The following SLC25A13 variants were observed in gnomAD, a reference collection of about 807,000 sequenced individuals.
The protein encoded by SLC25A13 is electrogenic aspartate/glutamate antiporter SLC25A13, mitochondrial.
SLC25A13 carries 70 observed loss-of-function variants against 85.5 expected under a neutral mutation model. That is an observed-to-expected ratio of 0.82 (90% CI 0.68 to 1.00). SLC25A13 has a LOEUF of 1.00. Among genes scored for constraint, SLC25A13 ranks in the 50% least tolerant of loss-of-function variants. The pLI, the probability that SLC25A13 is intolerant of heterozygous loss-of-function variation, is 0.00. For missense variants in SLC25A13, 765 were observed against 819.8 expected (o/e 0.93, Z 0.82); for synonymous variants, 259 against 288.7 (o/e 0.90, Z 1.04).
chr7:96,227,742 C>A (rs1796375152), intron 4 of SLC25A13, among the ~76,000 whole-genome samples: 2 of 152,218 alleles, frequency 1.3e-5, no homozygotes, highest in Middle Eastern at 3.4e-3. Flanking sequence ...TTGACCTTTA[C>A]CTTTAGTACC....
chr7:96,283,819 TAA>T (rs1224658803), intron 2 of SLC25A13: 16 of 80,916 alleles, frequency 2.0e-4, no homozygotes, highest in South Asian at 1.9e-3. Context: ...AATAGGTGTT[TAA>T]AAAAAAAAAA....
At chr7:96,202,172 C>T (rs1795281459) in intron 5 of SLC25A13, among the ~76,000 whole-genome samples, 1 of 152,152 alleles carries the variant, frequency 6.6e-6, no homozygotes, top group Admixed American at 6.5e-5. Flanking sequence ...GCTTTGGCAT[C>T]CAACCAGGTT....
intron 3 of SLC25A13, among the ~76,000 whole-genome samples, chr7:96,246,032 C>T (rs1051427887): frequency 2.0e-5 from 3 of 152,244 alleles, no homozygotes; most frequent in Non-Finnish European, 4.4e-5. Flanking sequence ...TCAGCGTATA[C>T]TGGCCTACAC....
At chr7:96,139,238 T>G (rs995714941) in intron 14 of SLC25A13, among the ~76,000 whole-genome samples, 3 of 152,194 alleles carry the variant, frequency 2.0e-5, no homozygotes, top group African/African-American at 7.2e-5. Context: ...AAGAAAAATT[T>G]TTTTTTCAAA....
At chr7:96,140,122 C>A (rs902149542) in intron 14 of SLC25A13, among the ~76,000 whole-genome samples, 6 of 150,268 alleles carry the variant, frequency 4.0e-5, no homozygotes, top group Admixed American at 3.3e-4. Context: ...CTACGCCCGG[C>A]TAATTTTTTG....
intron 5 of SLC25A13, among the ~76,000 whole-genome samples, chr7:96,203,727 A>C (rs962103883): frequency 6.6e-6 from 1 of 152,232 alleles, no homozygotes; most frequent in Non-Finnish European, 1.5e-5. Context: ...AAGTAATTAC[A>C]TGTAAAATAG....
intron 1 of SLC25A13, among the ~76,000 whole-genome samples, chr7:96,301,448 A>G (rs1379884671): frequency 6.6e-6 from 1 of 152,208 alleles, no homozygotes; most frequent in East Asian, 1.9e-4. Context: ...AAAATTTTAT[A>G]TCAAGAATTT....
chr7:96,305,277 A>G (rs1799703240), intron 1 of SLC25A13, among the ~76,000 whole-genome samples: 1 of 152,196 alleles, frequency 6.6e-6, no homozygotes, highest in Admixed American at 6.6e-5. Context: ...TAGCAAGCAA[A>G]AAGGGGGACT....
At chr7:96,261,141 C>T (rs754882177) in intron 3 of SLC25A13, among the ~76,000 whole-genome samples, 1 of 152,078 alleles carries the variant, frequency 6.6e-6, no homozygotes, top group Non-Finnish European at 1.5e-5. Flanking sequence ...TCTCCCATGG[C>T]TTACTCCTTC....
At chr7:96,247,956 G>A (rs1236342500) in intron 3 of SLC25A13, among the ~76,000 whole-genome samples, 1 of 147,296 alleles carries the variant, frequency 6.8e-6, no homozygotes, top group Admixed American at 6.8e-5. Context: ...AGTAGCAGCT[G>A]GGAAAAAAAA....
intron 12 of SLC25A13, 140 bp from the exon 13 acceptor site, chr7:96,170,265 C>G (rs1478909144): frequency 1.3e-6 from 1 of 762,068 alleles, no homozygotes; most frequent in African/African-American, 1.8e-5. Context: ...TTTAACAGAT[C>G]TTAAAATAGT....
chr7:96,134,481 T>G (rs1029499097), intron 14 of SLC25A13, among the ~76,000 whole-genome samples: 2 of 152,094 alleles, frequency 1.3e-5, no homozygotes, highest in Non-Finnish European at 2.9e-5. Context: ...ACCTGTCTTA[T>G]GCTATGTGGC....
chr7:96,289,752 G>A (rs1275472179), intron 2 of SLC25A13, among the ~76,000 whole-genome samples: 1 of 152,142 alleles, frequency 6.6e-6, no homozygotes, highest in Non-Finnish European at 1.5e-5. Context: ...AAGAAATACG[G>A]GACTATGTGA....
At chr7:96,280,251 C>T (rs962487291) in intron 2 of SLC25A13, among the ~76,000 whole-genome samples, 4 of 152,040 alleles carry the variant, frequency 2.6e-5, no homozygotes, top group Non-Finnish European at 5.9e-5. Context: ...GATAGTGAAA[C>T]ATGTTCAAAT....
chr7:96,180,171 G>A (rs1794364923), intron 11 of SLC25A13, among the ~76,000 whole-genome samples: 1 of 151,960 alleles, frequency 6.6e-6, no homozygotes, highest in Admixed American at 6.6e-5. Flanking sequence ...ATTAAAAAAT[G>A]TGGTTTTTTT....
intron 14 of SLC25A13, among the ~76,000 whole-genome samples, chr7:96,133,095 G>A (rs528005330): frequency 6.6e-6 from 1 of 152,260 alleles, no homozygotes; most frequent in East Asian, 1.9e-4. Context: ...ATCCTATTAA[G>A]TTGCATCCTA....
At chr7:96,127,347 C>G (rs1187970138) in intron 15 of SLC25A13, among the ~76,000 whole-genome samples, 2 of 152,138 alleles carry the variant, frequency 1.3e-5, no homozygotes, top group Non-Finnish European at 2.9e-5. Context: ...AACATGAATT[C>G]AAATATTGGT....
At chr7:96,252,965 G>T (rs1340779803) in intron 3 of SLC25A13, among the ~76,000 whole-genome samples, 1 of 152,116 alleles carries the variant, frequency 6.6e-6, no homozygotes, top group African/African-American at 2.4e-5. Flanking sequence ...ATGGTGCCAT[G>T]CTCCTGTTAT....
At chr7:96,226,970 T>C (rs938811909) in intron 4 of SLC25A13, among the ~76,000 whole-genome samples, 3 of 152,198 alleles carry the variant, frequency 2.0e-5, no homozygotes, top group Non-Finnish European at 4.4e-5. Flanking sequence ...ATTGGTAACA[T>C]TCCAACTCAC....
Sources: allele counts gnomAD v4.1 joint callset (sites outside exome capture counted in the v4.1 genomes callset), GRCh38; gene constraint gnomAD v4.1.1; transcripts MANE v1.5; gene names NCBI Gene and HGNC (gene_info 2026-07-23, HGNC 2026-07-21).